DNAH11: variants seen among roughly 807,000 people sequenced by gnomAD.
The protein encoded by DNAH11 is dynein axonemal heavy chain 11.
A neutral mutation model predicts 526.0 loss-of-function variants in DNAH11; 442 were observed. That is an observed-to-expected ratio of 0.84 (90% CI 0.78 to 0.91). The LOEUF (loss-of-function observed/expected upper bound fraction) is 0.91. Ranked by LOEUF, DNAH11 falls within the 40% of genes least tolerant of loss-of-function variation. The pLI, the probability that DNAH11 is intolerant of heterozygous loss-of-function variation, is 0.00. For missense variants in DNAH11, 6,989 were observed against 5,448.7 expected (o/e 1.28, Z -8.90); for synonymous variants, 2,461 against 1,935.9 (o/e 1.27, Z -7.12).
chr7:21,549,501 G>C (rs2128427014), intron 2 of DNAH11, among the ~76,000 whole-genome samples: 1 of 152,230 alleles, frequency 6.6e-6, no homozygotes, highest in East Asian at 1.9e-4. Context: ...CAAATGGGGG[G>C]GTTGAGTTTT....
chr7:21,861,319 A>G (rs147351105), intron 68 of DNAH11, among the ~76,000 whole-genome samples: 4,832 of 152,316 alleles, frequency 0.032, 124 homozygotes, highest in South Asian at 0.12. Context: ...AGCTCATCAC[A>G]TTGTGTTGTA....
chr7:21,728,749 C>T lies in DNAH11; in HGVS notation c.7440+2765C>T, dbSNP rs2906670. Among the ~76,000 whole-genome samples the T allele has an allele frequency of 5.3e-5, 8 of 151,704 alleles. No homozygotes were observed. The East Asian group carries it at 1.6e-3, about 29-fold the overall frequency. The stretch of plus-strand genomic sequence containing the variant: ...AGAGAAGTTACCTGCTTGCAAAATA[C>T]AGTGGTAGAACAGGCATAGGATAGA... On this transcript the variant is annotated intron_variant, in intron 45 of 81. Transcript: ENST00000409508.
chr7:21,742,702 G>A (rs2906691), intron 49 of DNAH11, among the ~76,000 whole-genome samples: 63,993 of 151,968 alleles, frequency 0.42, 16,027 homozygotes, highest in East Asian at 0.81. Flanking sequence ...ATATACTTTT[G>A]TATGTATTCT....
intron 25 of DNAH11, among the ~76,000 whole-genome samples, chr7:21,631,634 G>A (rs1786613826): frequency 6.6e-6 from 1 of 152,200 alleles, no homozygotes; most frequent in South Asian, 2.1e-4. Context: ...GCTCCAGAAT[G>A]ATCTTCTTTG....
intron 54 of DNAH11, among the ~76,000 whole-genome samples, chr7:21,764,883 A>T (rs1787102092): frequency 6.6e-6 from 1 of 152,246 alleles, no homozygotes. Context: ...CTTAAAGACC[A>T]GTGTGATGGT....
At chr7:21,756,962 G>C (rs1340796052) in intron 54 of DNAH11, among the ~76,000 whole-genome samples, 1 of 152,094 alleles carries the variant, frequency 6.6e-6, no homozygotes, top group African/African-American at 2.4e-5. Flanking sequence ...TTCTCATTAA[G>C]TTCTTTTCTC....
chr7:21,867,720 T>G (rs1020137051), intron 71 of DNAH11, 139 bp from the exon 72 acceptor site: 2 of 715,186 alleles, frequency 2.8e-6, no homozygotes, highest in Admixed American at 5.0e-5. Context: ...TGGATTCATA[T>G]TGTTATTCTA....
intron 54 of DNAH11, among the ~76,000 whole-genome samples, chr7:21,755,027 A>T (rs1002738702): frequency 6.6e-6 from 1 of 152,198 alleles, no homozygotes; most frequent in Non-Finnish European, 1.5e-5. Context: ...GGCATCATGG[A>T]AAGCTTAATG....
At chr7:21,594,834 A>G (rs904151805) in intron 14 of DNAH11, among the ~76,000 whole-genome samples, 1 of 152,140 alleles carries the variant, frequency 6.6e-6, no homozygotes, top group African/African-American at 2.4e-5. Context: ...GGGAGGCTTC[A>G]TAGGCCTTTT....
chr7:21,726,961 T>G (rs1308436601), intron 45 of DNAH11, among the ~76,000 whole-genome samples: 1 of 107,232 alleles, frequency 9.3e-6, no homozygotes, highest in Non-Finnish European at 1.9e-5. Context: ...TGAGATGGAG[T>G]CTCGCTCTGT....
rs568348949 is a variant in DNAH11, at chr7:21,784,596, A to G, written c.9597+56A>G. On this transcript the variant is annotated intron_variant, in intron 58 of 81. Transcript: ENST00000409508. ...CTCAAAGTAATATTTAAAGGTTATTAGAGTTTGAATAACTGAGCTGAGAGA... is the reference window on the plus strand; with the variant it reads ...CTCAAAGTAATATTTAAAGGTTATTGGAGTTTGAATAACTGAGCTGAGAGA... 6 of 1,290,888 alleles carry G rather than the reference A, an allele frequency of 4.6e-6. No individual in the cohort carries two copies. The African/African-American group carries it at 6.0e-5, about 13-fold the overall frequency. The allele number at this position is 1,290,888 out of a possible 1,614,324, so 80.0% of individuals were successfully genotyped here. A position where few individuals can be genotyped will look rare whatever the true frequency, so the allele number is the denominator to read the frequency against.
intron 45 of DNAH11, among the ~76,000 whole-genome samples, chr7:21,727,997 C>G (rs1937001513): frequency 6.6e-6 from 1 of 152,106 alleles, no homozygotes; most frequent in African/African-American, 2.4e-5. Flanking sequence ...ATTTCCTCTT[C>G]TCCTAAGGAC....
At chr7:21,745,446 G>A (rs190762744) in intron 51 of DNAH11, among the ~76,000 whole-genome samples, 1 of 152,284 alleles carries the variant, frequency 6.6e-6, no homozygotes, top group East Asian at 1.9e-4. Flanking sequence ...TCTTTAAAAT[G>A]GGGGAGGGCT....
chr7:21,596,950 A>G (rs1475234818), intron 14 of DNAH11, among the ~76,000 whole-genome samples: 1 of 152,174 alleles, frequency 6.6e-6, no homozygotes, highest in Non-Finnish European at 1.5e-5. Context: ...GTGATGTTGA[A>G]CCTAGTTCTC....
intron 46 of DNAH11, among the ~76,000 whole-genome samples, chr7:21,737,888 G>C (rs1187724768): frequency 1.3e-5 from 2 of 152,172 alleles, no homozygotes; most frequent in African/African-American, 4.8e-5. Flanking sequence ...TTAATGCCCA[G>C]CAAGTGTTTG....
chr7:21,749,737 G>GT lies in DNAH11; in HGVS notation c.8733_8734insT (p.Leu2912SerfsTer9). The stretch of plus-strand genomic sequence containing the variant: ...CCAAGAACATGCCCACTGTGTTCCT[G>GT]CTGACAGATGCCCAGGTTCTAGATG... On this transcript the variant is annotated frameshift_variant, in exon 53 of 82. Coordinates refer to ENST00000409508, the MANE Select transcript of DNAH11 (RefSeq NM_001277115.2). LOFTEE classifies it high-confidence loss of function. 6.2e-7 allele frequency: 1 copy of GT among 1,613,994 alleles called. No homozygotes were observed. The highest frequency in any genetic ancestry group is 1.1e-5 in the South Asian group (1 of 91,072).
intron 61 of DNAH11, among the ~76,000 whole-genome samples, chr7:21,797,950 C>T (rs964536687): frequency 5.9e-5 from 9 of 152,182 alleles, no homozygotes; most frequent in Admixed American, 3.9e-4. Flanking sequence ...TGCATTAAGA[C>T]ACATTTTATT....
chr7:21,751,105 C>T (rs2965354), intron 54 of DNAH11, among the ~76,000 whole-genome samples: 1 of 152,054 alleles, frequency 6.6e-6, no homozygotes, highest in African/African-American at 2.4e-5. Flanking sequence ...GGGTGGATCA[C>T]CTGAGGTCAG....
chr7:21,559,016 A>G lies in DNAH11; in HGVS notation c.692+18A>G. 1 of 1,549,542 alleles carries G rather than the reference A, an allele frequency of 6.5e-7. No individual in the cohort carries two copies. The highest frequency in any genetic ancestry group is 8.7e-7 in the Non-Finnish European group (1 of 1,144,844). ...GAGAACAAGTACGTAACAGTACAATATATACAGGATATTAAAGTAGAGAGC... is the reference window on the plus strand; with the variant it reads ...GAGAACAAGTACGTAACAGTACAATGTATACAGGATATTAAAGTAGAGAGC... On this transcript the variant is annotated intron_variant, in intron 3 of 81. Coordinates refer to ENST00000409508, the MANE Select transcript of DNAH11 (RefSeq NM_001277115.2).
Sources: gnomAD v4.1 joint callset for allele counts (sites outside exome capture counted in the v4.1 genomes callset) on GRCh38, gnomAD v4.1.1 for gene constraint, MANE v1.5 for transcripts, NCBI Gene and HGNC (gene_info 2026-07-23, HGNC 2026-07-21) for gene names.